Variants in SCIN observed in about 807,000 individuals in gnomAD.
SCIN encodes scinderin.
A neutral mutation model predicts 91.8 loss-of-function variants in SCIN; 91 were observed. The ratio of observed to expected loss-of-function variants is 0.99; its 90% CI spans 0.84 to 1.18. The LOEUF is 1.18. Among genes scored for constraint, SCIN ranks in the 50% most tolerant of loss-of-function variants. The probability of loss-of-function intolerance (pLI) is 0.00; values close to 1 mark genes in which losing one functional copy is unlikely to be tolerated. For missense variants in SCIN, 1,087 were observed against 863.9 expected (o/e 1.26, Z -3.24); for synonymous variants, 367 against 312.6 (o/e 1.17, Z -1.84).
At position 12,644,323 on chromosome 7, in the gene SCIN, C is replaced by G. The variant is rs1583320937; in HGVS notation, c.1759+8C>G. Reference sequence around the variant, plus strand: ...AAGAAGGCGAGGAGCCAGGTGTGTGCTCTGGGGCCAAGGGCACTAACTAGA... The same window carrying G: ...AAGAAGGCGAGGAGCCAGGTGTGTGGTCTGGGGCCAAGGGCACTAACTAGA... On this transcript the variant is annotated splice_region_variant and intron_variant, in intron 12 of 15. Transcript: ENST00000297029. The G allele has an allele frequency of 3.2e-6, 5 of 1,574,762 alleles. No individual in the cohort carries two copies. In the East Asian group the frequency reaches 1.2e-4, roughly 37 times the overall value.
chr7:12,571,696 G>T lies in SCIN; in HGVS notation c.199+711G>T, dbSNP rs1280421059. 6 of 367,680 alleles carry T rather than the reference G, an allele frequency of 1.6e-5. No individual in the cohort carries two copies. In the Admixed American group the frequency reaches 1.9e-4, roughly 12 times the overall value. 22.8% of individuals were successfully genotyped at this position (367,680 alleles called of 1,614,324 possible). A position where few individuals can be genotyped will look rare whatever the true frequency, so the allele number is the denominator to read the frequency against. Reference sequence around the variant, plus strand: ...TATGGGTATTTCATATATTTATGTAGACTGCTTTATTGTTATTATTTATTA... The same window carrying T: ...TATGGGTATTTCATATATTTATGTATACTGCTTTATTGTTATTATTTATTA... On this transcript the variant is annotated intron_variant, in intron 1 of 15. Coordinates refer to ENST00000297029, the MANE Select transcript of SCIN (RefSeq NM_001112706.3).
In SCIN at chr7:12,581,156, A is replaced by G; in HGVS notation, c.451A>G (p.Thr151Ala). 6.4e-7 allele frequency: 1 copy of G among 1,551,552 alleles called. No homozygotes were observed. Among genetic ancestry groups the G allele is most frequent in the Non-Finnish European group, 8.7e-7 (1 of 1,146,834 alleles). ...GAAGGGTCGTAGAGTGGTGAGAGCC[A>G]CAGAAGTTCCCCTTAGCTGGGACAG... ...HVKGRRVVRA[T>A]EVPLSWDSFN... The change falls in exon 3 of 16, where the codon ACA becomes GCA. Residue 151 changes from threonine (T) to alanine (A), a missense_variant. Transcript: ENST00000297029.
intron 3 of SCIN, among the ~76,000 whole-genome samples, chr7:12,585,575 A>G (rs1782570434): frequency 6.6e-6 from 1 of 152,124 alleles, no homozygotes; most frequent in Admixed American, 6.5e-5. Context: ...CAAACTCAAC[A>G]CATCTAGAAA....
chr7:12,641,305 G>A (rs1036565727), intron 11 of SCIN, among the ~76,000 whole-genome samples: 7 of 152,034 alleles, frequency 4.6e-5, no homozygotes, highest in South Asian at 2.1e-4. Context: ...ATTTCTCTAC[G>A]ACTGTCCTCT....
intron 8 of SCIN, among the ~76,000 whole-genome samples, chr7:12,628,541 A>T (rs753993985): frequency 3.3e-5 from 5 of 152,102 alleles, no homozygotes; most frequent in Non-Finnish European, 5.9e-5. Flanking sequence ...TCATGACCTA[A>T]TTACCTCCCA....
chr7:12,615,001 A>G (rs1295969339), intron 4 of SCIN, among the ~76,000 whole-genome samples: 2 of 152,170 alleles, frequency 1.3e-5, no homozygotes, highest in African/African-American at 4.8e-5. Context: ...TAGAGAGGCT[A>G]TGTAACTTGC....
chr7:12,644,470 C>G, intron 12 of SCIN, 114 bp from the exon 13 acceptor site: 1 of 1,486,152 alleles, frequency 6.7e-7, no homozygotes, highest in Non-Finnish European at 9.0e-7. Context: ...TACCTGATTT[C>G]TTTAAGTAAT....
intron 3 of SCIN, among the ~76,000 whole-genome samples, chr7:12,601,006 A>T (rs1782946984): frequency 6.6e-6 from 1 of 152,240 alleles, no homozygotes; most frequent in African/African-American, 2.4e-5. Flanking sequence ...GAGGTTAAAA[A>T]GAAGCAATAG....
chr7:12,621,339 C>T (rs1783402983), intron 4 of SCIN, among the ~76,000 whole-genome samples: 1 of 152,146 alleles, frequency 6.6e-6, no homozygotes, highest in African/African-American at 2.4e-5. Context: ...CCCTTGGGTT[C>T]AATTCCCAAC....
intron 3 of SCIN, among the ~76,000 whole-genome samples, chr7:12,600,068 GGTCATGAA>G (rs1414176880): frequency 2.0e-5 from 3 of 152,040 alleles, no homozygotes; most frequent in Non-Finnish European, 4.4e-5. Context: ...TTGGGTTCTT[GGTCATGAA>G]GTCTTTGCTT....
intron 5 of SCIN, among the ~76,000 whole-genome samples, chr7:12,623,265 C>T (rs980179099): frequency 4.6e-5 from 7 of 151,898 alleles, no homozygotes; most frequent in African/African-American, 1.7e-4. Context: ...AAGTCTTCAC[C>T]CTATTTAAAA....
Position 12,658,645 on chromosome 7 carries a change from C to A in SCIN, c.*5930C>A, listed in dbSNP as rs1402378902. 6.6e-6 allele frequency: 1 copy of A among 152,178 alleles called. No individual in the cohort carries two copies. Among genetic ancestry groups the A allele is most frequent in the Non-Finnish European group, 1.5e-5 (1 of 68,042 alleles). 9.4% of individuals were successfully genotyped at this position (152,178 alleles called of 1,614,324 possible). ...TTGAAGGAGCCAGGTGCTTGGGGAA[C>A]CTGGTTGTACAGAAAGGTGATGCCA... On this transcript the variant is annotated 3_prime_UTR_variant, in exon 16 of 16. Transcript: ENST00000297029.
chr7:12,638,524 A>G (rs1783797338), intron 10 of SCIN, among the ~76,000 whole-genome samples: 1 of 152,188 alleles, frequency 6.6e-6, no homozygotes, highest in Non-Finnish European at 1.5e-5. Context: ...TAACTTCCTC[A>G]TTCCTGATGT....
intron 4 of SCIN, among the ~76,000 whole-genome samples, chr7:12,605,770 A>G (rs1278763277): frequency 1.3e-5 from 2 of 152,180 alleles, no homozygotes; most frequent in Admixed American, 1.3e-4. Context: ...ATACAATCTT[A>G]TACCAAGAGA....
chr7:12,609,999 C>T (rs908001844), intron 4 of SCIN, among the ~76,000 whole-genome samples: 2 of 152,140 alleles, frequency 1.3e-5, no homozygotes, highest in African/African-American at 4.8e-5. Flanking sequence ...AGGAGATAAG[C>T]ATGCACTAGA....
chr7:12,651,955 G>C lies in SCIN; in HGVS notation c.2020+54G>C. On this transcript the variant is annotated intron_variant, in intron 15 of 15. Coordinates refer to ENST00000297029, the MANE Select transcript of SCIN (RefSeq NM_001112706.3). This position sits in a 1 kb window ranked among gnomAD's most constrained non-coding sequence, Gnocchi z 5.9. ...AGTAACCGGGCACCATTATGACCGA[G>C]TGTCTGGCTTGCTCTTTGCCACCAT... is the stretch of plus-strand genomic sequence containing the variant. The C allele has an allele frequency of 8.1e-7, 1 of 1,240,882 alleles. No homozygotes were observed. The highest frequency in any genetic ancestry group is 1.2e-6 in the Non-Finnish European group (1 of 865,228). 76.9% of individuals were successfully genotyped at this position (1,240,882 alleles called of 1,614,324 possible).
Position 12,570,731 on chromosome 7 carries a change from G to A in SCIN, c.-56G>A. On this transcript the variant is annotated 5_prime_UTR_variant, in exon 1 of 16. Coordinates refer to ENST00000297029, the MANE Select transcript of SCIN (RefSeq NM_001112706.3). The stretch of plus-strand genomic sequence containing the variant: ...AATAAGGTTCCTCCTGCTGCTCTCG[G>A]TTTAGTCCAAGATCAGCGATATCAC... The A allele has an allele frequency of 6.5e-7, 1 of 1,533,364 alleles. No homozygotes were observed. The highest frequency in any genetic ancestry group is 8.8e-7 in the Non-Finnish European group (1 of 1,137,512). The allele number at this position is 1,533,364 out of a possible 1,614,324, so 95.0% of individuals were successfully genotyped here.
intron 10 of SCIN, among the ~76,000 whole-genome samples, chr7:12,636,716 C>G (rs961810402): frequency 6.6e-6 from 1 of 152,024 alleles, no homozygotes; most frequent in Non-Finnish European, 1.5e-5. Context: ...ACTCAACCAG[C>G]GATTGCTAGC....
At chr7:12,611,751 T>A (rs1298587622) in intron 4 of SCIN, among the ~76,000 whole-genome samples, 1 of 152,090 alleles carries the variant, frequency 6.6e-6, no homozygotes, top group South Asian at 2.1e-4. Flanking sequence ...AGGAAAATGG[T>A]ATAAATAAAT....
Sources: gnomAD v4.1 joint callset for allele counts (sites outside exome capture counted in the v4.1 genomes callset) on GRCh38, gnomAD v4.1.1 for gene constraint, Gnocchi (gnomAD v3.1) non-coding constraint, MANE v1.5 for transcripts, NCBI Gene and HGNC (gene_info 2026-07-23, HGNC 2026-07-21) for gene names.